Variants in ZNF804A observed in about 807,000 individuals in gnomAD.
The protein encoded by ZNF804A is zinc finger protein 804A.
In ZNF804A, 2 loss-of-function variants were observed where a neutral mutation model predicts 16.5. The ratio of observed to expected loss-of-function variants is 0.12; its 90% CI spans 0.05 to 0.38. The LOEUF is 0.38. ZNF804A is among the 10% of genes least tolerant of loss of function. The pLI is 0.99. For missense variants in ZNF804A, 1,473 were observed against 1,390.7 expected (o/e 1.06, Z -0.94); for synonymous variants, 534 against 489.6 (o/e 1.09, Z -1.20).
At chr2:184,628,633 T>C (rs1306119429) in intron 1 of ZNF804A, among the ~76,000 whole-genome samples, 3 of 152,180 alleles carry the variant, frequency 2.0e-5, no homozygotes, top group Non-Finnish European at 4.4e-5. Flanking sequence ...ACTCACAATA[T>C]GTTCTTTGGT....
At chr2:184,697,901 G>A (rs996988391) in intron 1 of ZNF804A, among the ~76,000 whole-genome samples, 4 of 151,964 alleles carry the variant, frequency 2.6e-5, no homozygotes, top group Admixed American at 1.3e-4. Context: ...TCATTAGATT[G>A]TGACTTTGAT....
intron 1 of ZNF804A, among the ~76,000 whole-genome samples, chr2:184,780,391 G>A (rs1423580869): frequency 6.6e-6 from 1 of 151,664 alleles, no homozygotes; most frequent in Non-Finnish European, 1.5e-5. Context: ...AAAAAATTAT[G>A]GTAAAATAGA....
chr2:184,642,503 G>A (rs1437711458), intron 1 of ZNF804A, among the ~76,000 whole-genome samples: 2 of 152,114 alleles, frequency 1.3e-5, no homozygotes, highest in African/African-American at 2.4e-5. Context: ...TTCATAACCC[G>A]TAATTGTTTT....
chr2:184,932,553 C>T (rs1024861352), intron 2 of ZNF804A, among the ~76,000 whole-genome samples: 3 of 152,102 alleles, frequency 2.0e-5, no homozygotes, highest in Admixed American at 1.3e-4. Flanking sequence ...CTGGGTACTT[C>T]GCACCACACG....
At chr2:184,665,102 A>G (rs1692236384) in intron 1 of ZNF804A, among the ~76,000 whole-genome samples, 1 of 152,202 alleles carries the variant, frequency 6.6e-6, no homozygotes. Context: ...ATATTTACAC[A>G]AAGACAAACA....
intron 2 of ZNF804A, among the ~76,000 whole-genome samples, chr2:184,887,479 C>T (rs1045937121): frequency 1.3e-5 from 2 of 152,182 alleles, no homozygotes; most frequent in African/African-American, 4.8e-5. Context: ...CTCTTGACAC[C>T]AATTTACTGT....
At chr2:184,813,247 G>A (rs1694928924) in intron 1 of ZNF804A, among the ~76,000 whole-genome samples, 1 of 151,982 alleles carries the variant, frequency 6.6e-6, no homozygotes, top group Non-Finnish European at 1.5e-5. Flanking sequence ...TAAAAAAAAA[G>A]TATAAAACTG....
intron 1 of ZNF804A, among the ~76,000 whole-genome samples, chr2:184,720,238 C>T (rs1693288579): frequency 6.6e-6 from 1 of 152,156 alleles, no homozygotes. Flanking sequence ...CCTCCCATAA[C>T]ACATGGGAAT....
At chr2:184,799,339 T>G (rs1263881346) in intron 1 of ZNF804A, among the ~76,000 whole-genome samples, 1 of 152,170 alleles carries the variant, frequency 6.6e-6, no homozygotes, top group African/African-American at 2.4e-5. Context: ...CCTTGCATAC[T>G]CATATAAACC....
intron 2 of ZNF804A, among the ~76,000 whole-genome samples, chr2:184,926,554 T>C (rs1271559157): frequency 6.6e-6 from 1 of 152,112 alleles, no homozygotes. Flanking sequence ...TTTTTTAGGT[T>C]TGGGGAGTTC....
chr2:184,799,939 G>A (rs1428088849), intron 1 of ZNF804A, among the ~76,000 whole-genome samples: 1 of 152,014 alleles, frequency 6.6e-6, no homozygotes, highest in African/African-American at 2.4e-5. Context: ...AATCTATGTG[G>A]TCCTGATGCT....
intron 1 of ZNF804A, among the ~76,000 whole-genome samples, chr2:184,741,241 A>G (rs1693704565): frequency 6.6e-6 from 1 of 152,144 alleles, no homozygotes; most frequent in Non-Finnish European, 1.5e-5. Context: ...AAATCATCCA[A>G]AGGAAGAGCT....
chr2:184,888,464 C>G (rs1285240257), intron 2 of ZNF804A, among the ~76,000 whole-genome samples: 2 of 152,132 alleles, frequency 1.3e-5, no homozygotes, highest in African/African-American at 4.8e-5. Context: ...ACTAAAGCAT[C>G]CACCTTGTTA....
chr2:184,931,338 A>G (rs955694490), intron 2 of ZNF804A, among the ~76,000 whole-genome samples: 1 of 152,190 alleles, frequency 6.6e-6, no homozygotes, highest in African/African-American at 2.4e-5. Context: ...TCTGCCCCAC[A>G]GCACACCTCT....
chr2:184,895,517 A>G (rs531639105), intron 2 of ZNF804A, among the ~76,000 whole-genome samples: 5 of 152,324 alleles, frequency 3.3e-5, no homozygotes, highest in African/African-American at 1.2e-4. Flanking sequence ...ATTAAAACAG[A>G]AACAGAAATA....
chr2:184,892,900 A>G (rs1685010471), intron 2 of ZNF804A, among the ~76,000 whole-genome samples: 1 of 152,050 alleles, frequency 6.6e-6, no homozygotes, highest in Non-Finnish European at 1.5e-5. Flanking sequence ...TTTGTTCATT[A>G]TTGCCTGTGT....
Position 184,936,583 on chromosome 2 carries a change from C to T in ZNF804A, c.1187C>T (p.Pro396Leu), listed in dbSNP as rs1685791771. 4 of 1,613,740 alleles carry T rather than the reference C, an allele frequency of 2.5e-6. No homozygotes were observed. The highest frequency in any genetic ancestry group is 3.4e-6 in the Non-Finnish European group (4 of 1,179,902). The change falls in exon 4 of 4, where the codon CCC (proline) becomes CTC (leucine). Residue 396 changes from proline to leucine, a missense_variant. By Grantham distance (98) the Pro-to-Leu change is moderately conservative (BLOSUM62 -3). Transcript: ENST00000302277. ...STTEVENKNGPETLAPSNTEE... is the reference protein window; with the variant it reads ...STTEVENKNGLETLAPSNTEE... ...ACTGAGGTTGAAAATAAAAATGGTCCCGAGACATTGGCCCCTTCAAATACT... is the reference window on the plus strand; with the variant it reads ...ACTGAGGTTGAAAATAAAAATGGTCTCGAGACATTGGCCCCTTCAAATACT...
Position 184,788,981 on chromosome 2 carries a change from G to A in ZNF804A, c.112-77388G>A, listed in dbSNP as rs142772571. On this transcript the variant is annotated intron_variant, in intron 1 of 3. Coordinates refer to ENST00000302277, the MANE Select transcript of ZNF804A (RefSeq NM_194250.2). Reference sequence around the variant, plus strand: ...ATATTGGCTGTGGGTTTGTCATAGAGATGGTTCTTATTATTTTGAAATATA... The same window carrying A: ...ATATTGGCTGTGGGTTTGTCATAGAAATGGTTCTTATTATTTTGAAATATA... 2.1e-3 allele frequency among the ~76,000 whole-genome samples: 326 copies of A among 152,000 alleles called. 1 individual carries two copies. Among genetic ancestry groups the A allele is most frequent in the Middle Eastern group, 6.8e-3 (2 of 294 alleles).
chr2:184,671,602 T>G lies in ZNF804A; in HGVS notation c.111+72532T>G, dbSNP rs549898760. Among the ~76,000 whole-genome samples, 15 of 152,344 alleles carry G rather than the reference T, an allele frequency of 9.8e-5. No individual in the cohort carries two copies. In the East Asian group the frequency reaches 2.9e-3, roughly 29 times the overall value. ...TGGGGTACAGCAGAAGCCCTAGTGC[T>G]TTCTCAATATTCAGGAACACTTTGG... On this transcript the variant is annotated intron_variant, in intron 1 of 3. Coordinates refer to ENST00000302277, the MANE Select transcript of ZNF804A (RefSeq NM_194250.2).
Sources: gnomAD v4.1 joint callset for allele counts (sites outside exome capture counted in the v4.1 genomes callset) on GRCh38, gnomAD v4.1.1 for gene constraint, MANE v1.5 for transcripts, NCBI Gene and HGNC (gene_info 2026-07-23, HGNC 2026-07-21) for gene names.